Variants in MERTK observed in about 807,000 individuals in gnomAD.
MERTK encodes the protein tyrosine-protein kinase Mer.
In MERTK, 69 loss-of-function variants were observed where a neutral mutation model predicts 99.3. The ratio of observed to expected loss-of-function variants is 0.70; its 90% confidence interval spans 0.57 to 0.85. MERTK has a LOEUF of 0.85. Ranked by LOEUF, MERTK falls within the 40% of genes least tolerant of loss-of-function variation. The pLI, the probability that MERTK is intolerant of heterozygous loss-of-function variation, is 0.00. For missense variants in MERTK, 1,125 were observed against 1,249.4 expected (o/e 0.90, Z 1.50); for synonymous variants, 426 against 467.6 (o/e 0.91, Z 1.15).
chr2:112,028,430 A>C lies in MERTK; in HGVS notation c.2566A>C (p.Lys856Gln). 4 of 1,614,174 alleles carry C rather than the reference A, an allele frequency of 2.5e-6. No individual in the cohort carries two copies. Among genetic ancestry groups the C allele is most frequent in the Non-Finnish European group, 3.4e-6 (4 of 1,180,030 alleles). ...TFSVLRLQLE[K>Q]LLESLPDVRN... ...TTCAGTATTGAGGCTGCAGCTAGAA[A>C]AACTCTTAGAAAGTTTGCCTGACGT... The change falls in exon 19 of 19, where the codon AAA (lysine) becomes CAA (glutamine). Residue 856 changes from lysine (K) to glutamine (Q), a missense_variant. Lys to Gln is a moderately conservative substitution (Grantham distance 53, BLOSUM62 1). Transcript: ENST00000295408.
chr2:112,008,321 C>A, intron 13 of MERTK, 62 bp from the exon 14 acceptor site: 3 of 1,265,966 alleles, frequency 2.4e-6, no homozygotes, highest in South Asian at 1.2e-5. Flanking sequence ...CTGCTGTTGC[C>A]CACCCACTCC....
rs749755218 is a variant in MERTK at position 111,994,414 on chromosome 2, A to G, written c.1450+10A>G. 3 of 1,614,114 alleles carry G rather than the reference A, an allele frequency of 1.9e-6. No individual in the cohort carries two copies. The highest frequency in any genetic ancestry group is 1.3e-5 in the African/African-American group (1 of 75,028). On this transcript the variant is annotated intron_variant, in intron 9 of 18. Coordinates refer to ENST00000295408, the MANE Select transcript of MERTK (RefSeq NM_006343.3). ...TTTATCCCTGCACACGGTGAGAGCTATACCCAGTAAGGGCTGATAGGATGT... is the reference window on the plus strand; with the variant it reads ...TTTATCCCTGCACACGGTGAGAGCTGTACCCAGTAAGGGCTGATAGGATGT...
intron 1 of MERTK, among the ~76,000 whole-genome samples, chr2:111,918,717 A>G (rs1212387409): frequency 1.3e-5 from 2 of 152,276 alleles, no homozygotes; most frequent in Non-Finnish European, 2.9e-5. Context: ...TGCACCTTTG[A>G]AACAAGACAG....
chr2:111,915,079 C>T lies in MERTK; in HGVS notation c.62-14041C>T, dbSNP rs566451951. ...ATTCAATTTCCTTAATAGTTATAGC[C>T]TGATTCAAATTATCTATTTCATGTG... On this transcript the variant is annotated intron_variant, in intron 1 of 18. Coordinates refer to ENST00000295408, the MANE Select transcript of MERTK (RefSeq NM_006343.3). 1.1e-4 allele frequency among the ~76,000 whole-genome samples: 16 copies of T among 152,246 alleles called. No individual in the cohort carries two copies. In the East Asian group the frequency reaches 2.7e-3, roughly 26 times the overall value.
intron 7 of MERTK, among the ~76,000 whole-genome samples, chr2:111,976,003 C>A (rs1240935017): frequency 1.4e-5 from 2 of 147,534 alleles, no homozygotes; most frequent in Non-Finnish European, 3.0e-5. Flanking sequence ...GCCTCTGGAA[C>A]TTCTGACTAA....
chr2:111,971,003 G>A (rs1288239113), intron 6 of MERTK, among the ~76,000 whole-genome samples: 1 of 152,104 alleles, frequency 6.6e-6, no homozygotes, highest in Non-Finnish European at 1.5e-5. Flanking sequence ...TACTTGGTAT[G>A]AGTCTATTCA....
intron 9 of MERTK, chr2:111,996,534 G>A (rs1012113136): frequency 6.5e-6 from 1 of 154,548 alleles, no homozygotes; most frequent in Non-Finnish European, 1.5e-5. Context: ...TAAAAGTGCA[G>A]TAAAGAAATG....
At chr2:112,007,962 C>T (rs1045458891) in intron 13 of MERTK, among the ~76,000 whole-genome samples, 1 of 151,932 alleles carries the variant, frequency 6.6e-6, no homozygotes, top group Non-Finnish European at 1.5e-5. Flanking sequence ...CCATAGGTCC[C>T]CTCCTGACAC....
intron 2 of MERTK, among the ~76,000 whole-genome samples, chr2:111,941,400 C>G (rs1309183183): frequency 6.6e-6 from 1 of 152,168 alleles, no homozygotes; most frequent in African/African-American, 2.4e-5. Context: ...TACTGTGCTG[C>G]CCAGCCGGGG....
chr2:111,970,121 AT>A (rs889644440), intron 6 of MERTK, among the ~76,000 whole-genome samples: 14 of 148,168 alleles, frequency 9.4e-5, no homozygotes, highest in African/African-American at 2.7e-4. Context: ...TTTGTGATTG[AT>A]TTTTTTTAAC....
At chr2:111,987,965 A>G (rs2104745617) in intron 8 of MERTK, among the ~76,000 whole-genome samples, 1 of 150,674 alleles carries the variant, frequency 6.6e-6, no homozygotes, top group East Asian at 1.9e-4. Flanking sequence ...TATAGCCTTG[A>G]GACAGCATGA....
intron 4 of MERTK, among the ~76,000 whole-genome samples, chr2:111,956,220 A>G (rs1308008558): frequency 6.6e-6 from 1 of 152,194 alleles, no homozygotes; most frequent in Non-Finnish European, 1.5e-5. Flanking sequence ...TGTATATAAA[A>G]TAGGGATAAT....
At chr2:111,925,275 G>GATAGATATATATATATATATATATATAT (rs1684534577) in intron 1 of MERTK, among the ~76,000 whole-genome samples, 10 of 52,190 alleles carry the variant, frequency 1.9e-4, no homozygotes, top group Non-Finnish European at 3.2e-4. Flanking sequence ...GTACAGATCA[G>GATAGATATATATATATATATATATATAT]ATATATATAT....
intron 15 of MERTK, among the ~76,000 whole-genome samples, chr2:112,011,526 G>A (rs1236029165): frequency 6.6e-6 from 1 of 152,046 alleles, no homozygotes; most frequent in Non-Finnish European, 1.5e-5. Context: ...CTGAGGCGGG[G>A]GAATCACTTG....
At chr2:111,913,585 C>G (rs1684291523) in intron 1 of MERTK, among the ~76,000 whole-genome samples, 1 of 151,936 alleles carries the variant, frequency 6.6e-6, no homozygotes, top group African/African-American at 2.4e-5. Flanking sequence ...ACTCTGTCAC[C>G]CAGGTTGGAG....
At chr2:111,910,610 G>GTGTATATATATA (rs370882764) in intron 1 of MERTK, among the ~76,000 whole-genome samples, 6 of 143,664 alleles carry the variant, frequency 4.2e-5, no homozygotes, top group Admixed American at 2.1e-4. Flanking sequence ...GTGTGTGTGT[G>GTGTATATATATA]TATATATATA....
intron 1 of MERTK, among the ~76,000 whole-genome samples, chr2:111,923,774 C>A (rs1277368847): frequency 6.6e-6 from 1 of 152,068 alleles, no homozygotes; most frequent in African/African-American, 2.4e-5. Flanking sequence ...AATCACTACC[C>A]AAAAATAATT....
At chr2:111,989,679 T>C (rs1432319528) in intron 8 of MERTK, among the ~76,000 whole-genome samples, 3 of 152,144 alleles carry the variant, frequency 2.0e-5, no homozygotes, top group Non-Finnish European at 2.9e-5. Context: ...TATAAAGTAG[T>C]TGGGGATATT....
intron 1 of MERTK, among the ~76,000 whole-genome samples, chr2:111,915,589 C>CTT (rs58549518): frequency 1 from 151,513 of 152,144 alleles, 75,446 homozygotes; most frequent in Middle Eastern, 1. Context: ...TTTCTTGACA[C>CTT]TTCTTTGACC....
Sources: allele counts gnomAD v4.1 joint callset (sites outside exome capture counted in the v4.1 genomes callset), GRCh38; gene constraint gnomAD v4.1.1; transcripts MANE v1.5; gene names NCBI Gene and HGNC (gene_info 2026-07-23, HGNC 2026-07-21).